The following CELF4 variants were observed in gnomAD, a reference collection of about 807,000 sequenced individuals.
The protein encoded by CELF4 is CUGBP Elav-like family member 4, also known as CUG-BP- and ETR-3-like factor 4.
CELF4 carries 18 observed loss-of-function variants against 59.9 expected under a neutral mutation model. The observed-to-expected ratio is 0.30, with a 90% CI of 0.21 to 0.45. The LOEUF (loss-of-function observed/expected upper bound fraction) is 0.45. Ranked by LOEUF, CELF4 falls within the 20% of genes least tolerant of loss-of-function variation. The pLI, the probability that CELF4 is intolerant of heterozygous loss-of-function variation, is 1.00. For missense variants in CELF4, 456 were observed against 689.0 expected (o/e 0.66, Z 3.79); for synonymous variants, 261 against 267.1 (o/e 0.98, Z 0.22).
At chr18:37,547,585 G>C (rs2099981877) in intron 1 of CELF4, among the ~76,000 whole-genome samples, 1 of 152,210 alleles carries the variant, frequency 6.6e-6, no homozygotes, top group Non-Finnish European at 1.5e-5. Flanking sequence ...AGATTCTGTG[G>C]GTTGACGCAG....
chr18:37,398,999 G>C (rs2099282392), intron 2 of CELF4, among the ~76,000 whole-genome samples: 1 of 152,266 alleles, frequency 6.6e-6, no homozygotes, highest in African/African-American at 2.4e-5. Flanking sequence ...CCTGCCCACT[G>C]CTTCTCAGTC....
At chr18:37,283,016 A>G (rs1269641625) in intron 3 of CELF4, among the ~76,000 whole-genome samples, 1 of 152,052 alleles carries the variant, frequency 6.6e-6, no homozygotes, top group African/African-American at 2.4e-5. Context: ...GGGGCCTGCA[A>G]TGGGATGCAA....
At chr18:37,532,842 A>G (rs1390908020) in intron 1 of CELF4, among the ~76,000 whole-genome samples, 1 of 152,214 alleles carries the variant, frequency 6.6e-6, no homozygotes, top group Non-Finnish European at 1.5e-5. Context: ...CCAAGGAGAA[A>G]GTGCTCTTTA....
intron 8 of CELF4, among the ~76,000 whole-genome samples, chr18:37,269,722 T>A (rs2090193953): frequency 6.6e-6 from 1 of 152,236 alleles, no homozygotes; most frequent in South Asian, 2.1e-4. Flanking sequence ...TGGGGCTTCT[T>A]TAGCCTACAG....
chr18:37,275,096 C>G lies in CELF4; in HGVS notation c.577+19G>C. ...CGCCCCTCCCTCCGGGGCATCCCTC[C>G]CGGCCCCGCCCCGCGCACCCTTGCT... is the stretch of plus-strand genomic sequence containing the variant. On this transcript the variant is annotated intron_variant, in intron 4 of 12. Coordinates refer to ENST00000420428, the MANE Select transcript of CELF4 (RefSeq NM_020180.4). 1 of 1,611,366 alleles carries G rather than the reference C, an allele frequency of 6.2e-7. No individual in the cohort carries two copies. Among genetic ancestry groups the G allele is most frequent in the Non-Finnish European group, 8.5e-7 (1 of 1,178,872 alleles).
At chr18:37,290,699 A>G (rs2095277447) in intron 3 of CELF4, among the ~76,000 whole-genome samples, 2 of 152,168 alleles carry the variant, frequency 1.3e-5, no homozygotes, top group Non-Finnish European at 1.5e-5. Flanking sequence ...CTACAACCTG[A>G]GCCCAGTTTC....
intron 2 of CELF4, among the ~76,000 whole-genome samples, chr18:37,322,783 G>A (rs535596504): frequency 6.6e-6 from 1 of 152,368 alleles, no homozygotes; most frequent in Admixed American, 6.5e-5. Context: ...CAGTGCTTCT[G>A]CCCTTACGCA....
intron 3 of CELF4, among the ~76,000 whole-genome samples, chr18:37,296,076 A>T (rs540614492): frequency 3.0e-4 from 46 of 152,200 alleles, no homozygotes; most frequent in African/African-American, 1.0e-3. Flanking sequence ...CCCCACAAAA[A>T]TCCTCATTCC....
At chr18:37,457,390 C>T (rs545485326) in intron 2 of CELF4, among the ~76,000 whole-genome samples, 1 of 152,282 alleles carries the variant, frequency 6.6e-6, no homozygotes, top group East Asian at 1.9e-4. Context: ...TTCTGGGACC[C>T]TTACACCCCA....
intron 2 of CELF4, among the ~76,000 whole-genome samples, chr18:37,416,923 G>T (rs914596107): frequency 6.6e-6 from 1 of 152,054 alleles, no homozygotes; most frequent in Non-Finnish European, 1.5e-5. Flanking sequence ...GGAAGTGAGG[G>T]CAAGGGAAGT....
At chr18:37,463,789 A>G (rs2099800252) in intron 2 of CELF4, among the ~76,000 whole-genome samples, 1 of 149,634 alleles carries the variant, frequency 6.7e-6, no homozygotes, top group African/African-American at 2.5e-5. Context: ...CCCTCTAAAC[A>G]CTCCTGTCAA....
chr18:37,379,150 G>C (rs1041090481), intron 2 of CELF4, among the ~76,000 whole-genome samples: 3 of 152,162 alleles, frequency 2.0e-5, no homozygotes, highest in Non-Finnish European at 4.4e-5. Flanking sequence ...CTCCCCCGGG[G>C]CCTGGCCTAG....
intron 2 of CELF4, among the ~76,000 whole-genome samples, chr18:37,345,840 C>A (rs575403005): frequency 8.5e-5 from 13 of 152,114 alleles, no homozygotes; most frequent in Admixed American, 7.9e-4. Context: ...GTCTCTCCTG[C>A]ATACCTTAGC....
chr18:37,288,600 T>C (rs2095042119), intron 3 of CELF4, among the ~76,000 whole-genome samples: 1 of 152,082 alleles, frequency 6.6e-6, no homozygotes. Flanking sequence ...GCTCTCCAGC[T>C]CTCATCTAAC....
chr18:37,423,573 T>A (rs184012710), intron 2 of CELF4, among the ~76,000 whole-genome samples: 133 of 152,218 alleles, frequency 8.7e-4, no homozygotes, highest in Middle Eastern at 3.4e-3. Context: ...CTGGTGTTCT[T>A]CTTCCAGGCC....
At chr18:37,350,718 G>C (rs903614174) in intron 2 of CELF4, among the ~76,000 whole-genome samples, 3 of 152,156 alleles carry the variant, frequency 2.0e-5, no homozygotes, top group Non-Finnish European at 4.4e-5. Flanking sequence ...ACCTCGCAAG[G>C]GTCCCTTTAT....
At chr18:37,320,663 T>G (rs1490718774) in intron 3 of CELF4, among the ~76,000 whole-genome samples, 1 of 152,172 alleles carries the variant, frequency 6.6e-6, no homozygotes, top group Non-Finnish European at 1.5e-5. Flanking sequence ...GGCCCCCTTC[T>G]CCGGGGAAGT....
chr18:37,444,010 C>T (rs961575209), intron 2 of CELF4, among the ~76,000 whole-genome samples: 1 of 152,162 alleles, frequency 6.6e-6, no homozygotes, highest in Non-Finnish European at 1.5e-5. Context: ...CCTTGAATCT[C>T]AGCACTGCTA....
intron 3 of CELF4, among the ~76,000 whole-genome samples, chr18:37,309,210 G>A (rs1022286389): frequency 1.3e-5 from 2 of 152,194 alleles, no homozygotes; most frequent in African/African-American, 2.4e-5. Context: ...CAGCACCCCA[G>A]CACAGATCCG....
Sources: allele counts gnomAD v4.1 joint callset (sites outside exome capture counted in the v4.1 genomes callset), GRCh38; gene constraint gnomAD v4.1.1; transcripts MANE v1.5; gene names NCBI Gene and HGNC (gene_info 2026-07-23, HGNC 2026-07-21).